Variants in SV2B observed in about 807,000 individuals in gnomAD.
SV2B encodes the protein solute carrier family 22 member B2.
Under a neutral mutation model 73.9 loss-of-function variants are expected in SV2B, and 41 were observed. The observed-to-expected ratio is 0.56, with a 90% confidence interval of 0.43 to 0.72. The LOEUF (loss-of-function observed/expected upper bound fraction) is 0.72. SV2B is among the 30% of genes least tolerant of loss of function. The pLI, the probability that SV2B is intolerant of heterozygous loss-of-function variation, is 0.00. For synonymous variants in SV2B, 314 were observed against 314.2 expected (o/e 1.00, Z 0.01); for missense variants, 764 against 857.8 (o/e 0.89, Z 1.37).
intron 1 of SV2B, among the ~76,000 whole-genome samples, chr15:91,166,234 GA>G (rs1417000073): frequency 6.6e-6 from 1 of 152,248 alleles, no homozygotes; most frequent in East Asian, 1.9e-4. Context: ...CCCAATGTGA[GA>G]AAAATTAAAA....
Position 91,281,141 on chromosome 15 carries a change from A to T in SV2B, c.1374-587A>T, listed in dbSNP as rs1035161986. On this transcript the variant is annotated intron_variant, in intron 9 of 12. Coordinates refer to ENST00000394232, the MANE Select transcript of SV2B (RefSeq NM_001323032.3). The surrounding 1 kb of genome is among the most constrained non-coding windows in gnomAD (Gnocchi z 4.7). ...AATGTATCTCTTTGAATACATGGGCAAGTATGTGTAGGATAAATTCCTAGA... is the reference window on the plus strand; with the variant it reads ...AATGTATCTCTTTGAATACATGGGCTAGTATGTGTAGGATAAATTCCTAGA... 1.3e-5 allele frequency among the ~76,000 whole-genome samples: 2 copies of T among 152,234 alleles called. No individual in the cohort carries two copies. Among genetic ancestry groups the T allele is most frequent in the African/African-American group, 2.4e-5 (1 of 41,462 alleles).
rs564756441 is a variant in SV2B, at chr15:91,296,320, C to A, written c.*3768C>A. On this transcript the variant is annotated 3_prime_UTR_variant, in exon 13 of 13. Coordinates refer to ENST00000394232, the MANE Select transcript of SV2B (RefSeq NM_001323032.3). Reference sequence around the variant, plus strand: ...GATTATGTTGGATGGCATATGACTGCAAATTCAAAGAAACCAATTTATAAT... The same window carrying A: ...GATTATGTTGGATGGCATATGACTGAAAATTCAAAGAAACCAATTTATAAT... 3.3e-5 allele frequency: 5 copies of A among 152,254 alleles called. No homozygotes were observed. The highest frequency in any genetic ancestry group is 1.2e-4 in the African/African-American group (5 of 41,538). 9.4% of individuals were successfully genotyped at this position (152,254 alleles called of 1,614,324 possible). A position where few individuals can be genotyped will look rare whatever the true frequency, so the allele number is the denominator to read the frequency against.
intron 1 of SV2B, among the ~76,000 whole-genome samples, chr15:91,120,547 C>T (rs1210941157): frequency 6.6e-6 from 1 of 152,116 alleles, no homozygotes; most frequent in Non-Finnish European, 1.5e-5. Flanking sequence ...CACGGTGGCT[C>T]ACATGCCTGT....
intron 1 of SV2B, among the ~76,000 whole-genome samples, chr15:91,158,688 T>C (rs1186749586): frequency 1.6e-3 from 96 of 58,868 alleles, no homozygotes; most frequent in Admixed American, 1.8e-3. Context: ...TCTCTTCTCT[T>C]CTCTTCTCTT....
At chr15:91,233,959 A>T (rs1268017427) in intron 2 of SV2B, among the ~76,000 whole-genome samples, 2 of 152,200 alleles carry the variant, frequency 1.3e-5, no homozygotes, top group African/African-American at 4.8e-5. Flanking sequence ...AGGGTGTGGG[A>T]TACTGGTGGA....
At chr15:91,215,232 T>G (rs1596600861) in intron 1 of SV2B, among the ~76,000 whole-genome samples, 2 of 152,356 alleles carry the variant, frequency 1.3e-5, no homozygotes, top group Admixed American at 6.5e-5. Context: ...AGGTCTTCTT[T>G]GGCCTTGCAC....
intron 1 of SV2B, among the ~76,000 whole-genome samples, chr15:91,172,753 G>A (rs532009613): frequency 2.0e-5 from 3 of 152,306 alleles, no homozygotes; most frequent in Admixed American, 2.0e-4. Context: ...CTGCACTTTG[G>A]CTTCATATCT....
chr15:91,207,823 A>G (rs768371858), intron 1 of SV2B, among the ~76,000 whole-genome samples: 13 of 152,312 alleles, frequency 8.5e-5, no homozygotes, highest in Non-Finnish European at 1.8e-4. Context: ...GAGGAACTTA[A>G]CAAGGCCTGT....
chr15:91,258,576 A>G lies in SV2B; in HGVS notation c.918+22A>G, dbSNP rs1596714721. ...AGAGGTGAGTCAGTGCTTTTCCACC[A>G]GGGGGAGAGTGACAAAACAGCCACA... is the stretch of plus-strand genomic sequence containing the variant. On this transcript the variant is annotated intron_variant, in intron 5 of 12. Coordinates refer to ENST00000394232, the MANE Select transcript of SV2B (RefSeq NM_001323032.3). This position sits in a 1 kb window ranked among gnomAD's most constrained non-coding sequence, Gnocchi z 4.7. 3 of 1,612,438 alleles carry G rather than the reference A, an allele frequency of 1.9e-6. No homozygotes were observed. Among genetic ancestry groups the G allele is most frequent in the Non-Finnish European group, 2.5e-6 (3 of 1,179,360 alleles).
At chr15:91,117,869 A>T (rs917207377) in intron 1 of SV2B, among the ~76,000 whole-genome samples, 1 of 152,232 alleles carries the variant, frequency 6.6e-6, no homozygotes, top group African/African-American at 2.4e-5. Context: ...CAAGTTCCCT[A>T]TGTAACAAGA....
chr15:91,265,167 T>C lies in SV2B; in HGVS notation c.1009-1415T>C, dbSNP rs2048057652. ...CCATCAGCAGACGTGCTCATAGATG[T>C]ATTCAGTGGCCTGGAGGGAGAGCTT... On this transcript the variant is annotated intron_variant, in intron 6 of 12. Transcript: ENST00000394232. The surrounding 1 kb of genome is among the most constrained non-coding windows in gnomAD (Gnocchi z 4.2). Among the ~76,000 whole-genome samples, 3 of 152,172 alleles carry C rather than the reference T, an allele frequency of 2.0e-5. No homozygotes were observed. The highest frequency in any genetic ancestry group is 2.0e-4 in the Admixed American group (3 of 15,284).
intron 1 of SV2B, among the ~76,000 whole-genome samples, chr15:91,178,816 A>G (rs1178555589): frequency 6.9e-6 from 1 of 144,518 alleles, no homozygotes; most frequent in East Asian, 2.2e-4. Flanking sequence ...GCAGTCTATC[A>G]ATTTTGTTGA....
intron 6 of SV2B, among the ~76,000 whole-genome samples, chr15:91,263,259 CGGACACAGACACAT>C (rs1567408393): frequency 1.7e-5 from 2 of 120,456 alleles, no homozygotes; most frequent in East Asian, 2.0e-4. Flanking sequence ...CAGGAACACA[CGGACACAGACACAT>C]GGACACACAT....
rs34370427 is a variant in SV2B at position 91,139,347 on chromosome 15, T to TAAAAAAAA, written c.-392+38986_-392+38993dup. Reference sequence around the variant, plus strand: ...CTTGCAAATTTCCACAATAAAATGTTAAAAAAAAAGAAGTAAGGGAAACTT... The same window carrying TAAAAAAAA: ...CTTGCAAATTTCCACAATAAAATGTTAAAAAAAAAAAAAAAAAGAAGTAAGGGAAACTT... On this transcript the variant is annotated intron_variant, in intron 1 of 12. Coordinates refer to ENST00000394232, the MANE Select transcript of SV2B (RefSeq NM_001323032.3). This position sits in a 1 kb window ranked among gnomAD's most constrained non-coding sequence, Gnocchi z 5.2. 6.6e-6 allele frequency among the ~76,000 whole-genome samples: 1 copy of TAAAAAAAA among 150,724 alleles called. No individual in the cohort carries two copies. Among genetic ancestry groups the TAAAAAAAA allele is most frequent in the Non-Finnish European group, 1.5e-5 (1 of 67,676 alleles).
In SV2B at chr15:91,252,561, A is replaced by G. The variant is rs376600861; in HGVS notation, c.784+41A>G. On this transcript the variant is annotated intron_variant, in intron 4 of 12. Coordinates refer to ENST00000394232, the MANE Select transcript of SV2B (RefSeq NM_001323032.3). This position sits in a 1 kb window ranked among gnomAD's most constrained non-coding sequence, Gnocchi z 4.6. Reference sequence around the variant, plus strand: ...AAACAGCCTAGGGGGCCCTGTTTCTATGGCTCCTGCACCCAAACAATAGTT... The same window carrying G: ...AAACAGCCTAGGGGGCCCTGTTTCTGTGGCTCCTGCACCCAAACAATAGTT... 2.6e-6 allele frequency: 4 copies of G among 1,542,342 alleles called. No homozygotes were observed. The African/African-American group carries it at 5.5e-5, about 21-fold the overall frequency.
chr15:91,248,040 G>A (rs1248248252), intron 2 of SV2B, among the ~76,000 whole-genome samples: 2 of 152,176 alleles, frequency 1.3e-5, no homozygotes, highest in East Asian at 3.8e-4. Context: ...TGTGTACAAT[G>A]TCATAAAGAT....
At chr15:91,145,628 T>C (rs1414272556) in intron 1 of SV2B, among the ~76,000 whole-genome samples, 1 of 152,224 alleles carries the variant, frequency 6.6e-6, no homozygotes, top group African/African-American at 2.4e-5. Flanking sequence ...CATTCCTTTT[T>C]CTCTACAACC....
At chr15:91,138,634 A>G (rs976674632) in intron 1 of SV2B, among the ~76,000 whole-genome samples, 8 of 152,182 alleles carry the variant, frequency 5.3e-5, no homozygotes, top group African/African-American at 1.9e-4. Flanking sequence ...TCCCAAAACA[A>G]TATAGTATAG....
At chr15:91,154,972 A>G (rs1351720867) in intron 1 of SV2B, among the ~76,000 whole-genome samples, 1 of 152,192 alleles carries the variant, frequency 6.6e-6, no homozygotes, top group Non-Finnish European at 1.5e-5. Context: ...ATGACTCAGT[A>G]AACGAGTGGA....
Sources: gnomAD v4.1 joint callset for allele counts (sites outside exome capture counted in the v4.1 genomes callset) on GRCh38, gnomAD v4.1.1 for gene constraint, Gnocchi (gnomAD v3.1) non-coding constraint, MANE v1.5 for transcripts, NCBI Gene and HGNC (gene_info 2026-07-23, HGNC 2026-07-21) for gene names.